Variants in TMEM106B observed in about 807,000 individuals in gnomAD.
The protein encoded by TMEM106B is transmembrane protein 106B.
In TMEM106B, 15 loss-of-function variants were observed where a neutral mutation model predicts 31.1. The observed-to-expected ratio is 0.48, with a 90% CI of 0.32 to 0.74. The LOEUF is 0.74. Ranked by LOEUF, TMEM106B falls within the 30% of genes least tolerant of loss-of-function variation. The pLI, the probability that TMEM106B is intolerant of heterozygous loss-of-function variation, is 0.03. For missense variants in TMEM106B, 283 were observed against 327.3 expected, an observed-to-expected ratio of 0.86 and a Z score of 1.04; for synonymous variants, 126 against 112.5, an observed-to-expected ratio of 1.12 and a Z score of -0.76.
intron 2 of TMEM106B, among the ~76,000 whole-genome samples, 161 bp from the exon 3 acceptor site, chr7:12,218,297 T>C (rs919788784): frequency 1.3e-5 from 2 of 151,528 alleles, no homozygotes; most frequent in Non-Finnish European, 2.9e-5. Context: ...CTGTCTTCTC[T>C]AGAACTTCTG....
chr7:12,216,883 A>C (rs1386523377), intron 2 of TMEM106B, among the ~76,000 whole-genome samples: 4 of 152,164 alleles, frequency 2.6e-5, no homozygotes, highest in African/African-American at 9.7e-5. Flanking sequence ...CGGTTTTGGT[A>C]AAGACGTGTA....
rs145110354 is a variant in TMEM106B at position 12,225,008 on chromosome 7, C to G, written c.441+623C>G. On this transcript the variant is annotated intron_variant, in intron 4 of 7. Transcript: ENST00000396668. ...CTTTAGGTATTTCTCCTAATGCTAT[C>G]CCTCCCCCATCCCTCCACCTCACGA... is the stretch of plus-strand genomic sequence containing the variant. Among the ~76,000 whole-genome samples, 715 of 152,096 alleles carry G rather than the reference C, an allele frequency of 4.7e-3. 4 individuals carry two copies. The highest frequency in any genetic ancestry group is 7.5e-3 in the Non-Finnish European group (510 of 67,982).
intron 3 of TMEM106B, among the ~76,000 whole-genome samples, chr7:12,223,567 A>T (rs942016160): frequency 1.3e-5 from 2 of 152,140 alleles, no homozygotes; most frequent in Admixed American, 6.5e-5. Flanking sequence ...TAACATGTGA[A>T]AATTCTGCTT....
intron 2 of TMEM106B, among the ~76,000 whole-genome samples, chr7:12,217,342 A>G (rs1476133653): frequency 1.3e-5 from 2 of 152,182 alleles, no homozygotes; most frequent in Non-Finnish European, 2.9e-5. Context: ...ATAATGAACT[A>G]AGAATGAGGA....
chr7:12,215,610 G>T (rs1263958415), intron 2 of TMEM106B: 1 of 371,172 alleles, frequency 2.7e-6, no homozygotes, highest in Non-Finnish European at 5.7e-6. Context: ...TAAGGATGGA[G>T]TTTCCCCATG....
chr7:12,229,424 T>C (rs1781967042), intron 4 of TMEM106B, among the ~76,000 whole-genome samples: 1 of 152,228 alleles, frequency 6.6e-6, no homozygotes, highest in Non-Finnish European at 1.5e-5. Context: ...AGGAAACAGC[T>C]TACTAATGTC....
chr7:12,227,926 G>A (rs4721060), intron 4 of TMEM106B, among the ~76,000 whole-genome samples: 76,381 of 151,272 alleles, frequency 0.5, 20,374 homozygotes, highest in African/African-American at 0.66. Context: ...TAATGAAACT[G>A]TGGACAGTAC....
intron 2 of TMEM106B, chr7:12,215,456 T>G (rs1011690070): frequency 1.7e-5 from 3 of 178,408 alleles, no homozygotes; most frequent in Non-Finnish European, 4.0e-5. Flanking sequence ...AGGCTGGTCT[T>G]GAACTCCTGT....
At position 12,235,261 on chromosome 7, in the gene TMEM106B, A is replaced by G. The variant is rs1782109268; in HGVS notation, c.*3286A>G. ...CATTGTCTAAGGAAATTATTTATAA[A>G]TAATAGAGATTAATTTATTTGAGAT... On this transcript the variant is annotated 3_prime_UTR_variant, in exon 8 of 8. Transcript: ENST00000396668. The G allele has an allele frequency of 6.6e-6, 1 of 152,352 alleles. No homozygotes were observed. The highest frequency in any genetic ancestry group is 1.5e-5 in the Non-Finnish European group (1 of 67,844). 9.4% of individuals were successfully genotyped at this position (152,352 alleles called of 1,614,324 possible). A position where few individuals can be genotyped will look rare whatever the true frequency, so the allele number is the denominator to read the frequency against.
intron 2 of TMEM106B, among the ~76,000 whole-genome samples, chr7:12,216,801 T>C (rs963083712): frequency 1.3e-5 from 2 of 151,984 alleles, no homozygotes; most frequent in Admixed American, 6.6e-5. Context: ...TACTGATAGA[T>C]TGGGTAGTGT....
intron 4 of TMEM106B, among the ~76,000 whole-genome samples, chr7:12,224,600 G>A (rs1478961802): frequency 2.0e-5 from 3 of 151,032 alleles, no homozygotes; most frequent in African/African-American, 4.9e-5. Flanking sequence ...GAATGATTTA[G>A]CATTTGAAAA....
rs1206614271 is a variant in TMEM106B at position 12,241,612 on chromosome 7, T to G, written c.*9637T>G. 1 of 152,236 alleles carries G rather than the reference T, an allele frequency of 6.6e-6. No homozygotes were observed. The highest frequency in any genetic ancestry group is 1.5e-5 in the Non-Finnish European group (1 of 68,058). The allele number at this position is 152,236 out of a possible 1,614,324, so 9.4% of individuals were successfully genotyped here. On this transcript the variant is annotated 3_prime_UTR_variant, in exon 8 of 8. Transcript: ENST00000396668. ...TTTTTTATGGCTGCATAGTATTCCA[T>G]GGTGTATATATGCCACATTTTCTTT...
intron 7 of TMEM106B, 73 bp from the exon 8 acceptor site, chr7:12,231,764 T>G: frequency 1.6e-6 from 2 of 1,233,470 alleles, no homozygotes; most frequent in Non-Finnish European, 1.1e-6. Flanking sequence ...TTTTTATGTG[T>G]TAAAGTAGTC....
At chr7:12,219,989 C>A (rs1426428621) in intron 3 of TMEM106B, among the ~76,000 whole-genome samples, 1 of 152,092 alleles carries the variant, frequency 6.6e-6, no homozygotes, top group Non-Finnish European at 1.5e-5. Context: ...TAGTGAAATT[C>A]TTGAACTTTA....
intron 1 of TMEM106B, among the ~76,000 whole-genome samples, chr7:12,213,436 G>A (rs995100460): frequency 1.3e-5 from 2 of 152,190 alleles, no homozygotes; most frequent in Non-Finnish European, 2.9e-5. Context: ...AGGCTGAAAC[G>A]TACTACTTTG....
Position 12,240,248 on chromosome 7 carries a change from T to C in TMEM106B, c.*8273T>C, listed in dbSNP as rs1042284534. On this transcript the variant is annotated 3_prime_UTR_variant, in exon 8 of 8. Transcript: ENST00000396668. ...TTTTCTTAGAAAAATTATTTGCCCA[T>C]GTTTTTTATCCCCCAATTCTATCTT... The C allele has an allele frequency of 1.3e-5, 2 of 152,182 alleles. No homozygotes were observed. The highest frequency in any genetic ancestry group is 2.9e-5 in the Non-Finnish European group (2 of 68,038). 9.4% of individuals were successfully genotyped at this position (152,182 alleles called of 1,614,324 possible). A position where few individuals can be genotyped will look rare whatever the true frequency, so the allele number is the denominator to read the frequency against.
intron 3 of TMEM106B, 51 bp downstream of exon 3, chr7:12,218,572 TG>T (rs772925575): frequency 8.0e-6 from 12 of 1,504,754 alleles, no homozygotes; most frequent in Middle Eastern, 3.8e-4. Context: ...TTTTGTTTTT[TG>T]TATTTTTTCA....
At position 12,241,492 on chromosome 7, in the gene TMEM106B, A is replaced by G. The variant is rs1782235561; in HGVS notation, c.*9517A>G. ...GTTCAACTCCCACTTATGAGTGGCAACATGTGCTGTTTGGTTTTCTGTTCC... is the reference window on the plus strand; with the variant it reads ...GTTCAACTCCCACTTATGAGTGGCAGCATGTGCTGTTTGGTTTTCTGTTCC... On this transcript the variant is annotated 3_prime_UTR_variant, in exon 8 of 8. Coordinates refer to ENST00000396668, the MANE Select transcript of TMEM106B (RefSeq NM_001134232.2). 6.6e-6 allele frequency: 1 copy of G among 152,144 alleles called. No individual in the cohort carries two copies. Among genetic ancestry groups the G allele is most frequent in the African/African-American group, 2.4e-5 (1 of 41,406 alleles). 9.4% of individuals were successfully genotyped at this position (152,144 alleles called of 1,614,324 possible). A position where few individuals can be genotyped will look rare whatever the true frequency, so the allele number is the denominator to read the frequency against.
At chr7:12,223,324 G>A (rs1781823922) in intron 3 of TMEM106B, among the ~76,000 whole-genome samples, 1 of 145,460 alleles carries the variant, frequency 6.9e-6, no homozygotes, top group African/African-American at 2.6e-5. Context: ...AATCATTGAT[G>A]AGCCATGTGG....
Sources: allele counts gnomAD v4.1 joint callset (sites outside exome capture counted in the v4.1 genomes callset), GRCh38; gene constraint gnomAD v4.1.1; transcripts MANE v1.5; gene names NCBI Gene and HGNC (gene_info 2026-07-23, HGNC 2026-07-21).